Variants in SLCO5A1 observed in about 807,000 individuals in gnomAD.
SLCO5A1 encodes the protein organic anion transporter polypeptide-related protein 4.
SLCO5A1 carries 39 observed loss-of-function variants against 65.1 expected under a neutral mutation model. The ratio of observed to expected loss-of-function variants is 0.60; its 90% CI spans 0.46 to 0.78. The LOEUF (loss-of-function observed/expected upper bound fraction) is 0.78, where lower values mean the gene tolerates loss of function less well. Ranked by LOEUF, SLCO5A1 falls within the 30% of genes least tolerant of loss-of-function variation. The pLI is 0.00. For missense variants in SLCO5A1, 1,029 were observed against 1,069.4 expected, an observed-to-expected ratio of 0.96 and a Z score of 0.53; for synonymous variants, 438 against 415.7, an observed-to-expected ratio of 1.05 and a Z score of -0.65.
chr8:69,678,800 G>GAAA (rs10648194), intron 8 of SLCO5A1, among the ~76,000 whole-genome samples: 19,997 of 139,382 alleles, frequency 0.14, 1,509 homozygotes, highest in Non-Finnish European at 0.17. Context: ...CTGAAAAACT[G>GAAA]AAAAAAAAAA....
At chr8:69,748,667 C>A (rs1048200468) in intron 4 of SLCO5A1, among the ~76,000 whole-genome samples, 6 of 152,166 alleles carry the variant, frequency 3.9e-5, no homozygotes, top group African/African-American at 1.2e-4. Context: ...TTATCAGAAA[C>A]ACAGAAACAT....
At chr8:69,722,776 GGTGTGT>G (rs56353428) in intron 5 of SLCO5A1, among the ~76,000 whole-genome samples, 2,224 of 148,124 alleles carry the variant, frequency 0.015, 32 homozygotes, top group Middle Eastern at 0.038. Context: ...ACACATGCAT[GGTGTGT>G]GTGTGTGTGT....
At chr8:69,769,181 G>T (rs558038257) in intron 2 of SLCO5A1, among the ~76,000 whole-genome samples, 1 of 152,162 alleles carries the variant, frequency 6.6e-6, no homozygotes, top group South Asian at 2.1e-4. Flanking sequence ...CTGAGGACTC[G>T]CCTGACCCAC....
intron 2 of SLCO5A1, among the ~76,000 whole-genome samples, chr8:69,790,086 G>A (rs776734010): frequency 4.0e-5 from 6 of 151,548 alleles, no homozygotes; most frequent in Non-Finnish European, 5.9e-5. Context: ...CCAGCTACTC[G>A]GGAGGCTGAG....
At chr8:69,782,579 CAAAAA>C (rs773987113) in intron 2 of SLCO5A1, among the ~76,000 whole-genome samples, 1 of 53,966 alleles carries the variant, frequency 1.9e-5, no homozygotes, top group Non-Finnish European at 4.0e-5. Context: ...GACCCTGTCT[CAAAAA>C]AAAAAAAAAA....
chr8:69,695,712 C>A (rs901155073), intron 6 of SLCO5A1, among the ~76,000 whole-genome samples: 53 of 152,052 alleles, frequency 3.5e-4, no homozygotes, highest in Admixed American at 3.0e-3. Context: ...CAAGACTCAA[C>A]AATGGTATGT....
In SLCO5A1 at chr8:69,798,269, A is replaced by G. The variant is rs185182494; in HGVS notation, c.907+33498T>C. Among the ~76,000 whole-genome samples, 23 of 151,974 alleles carry G rather than the reference A, an allele frequency of 1.5e-4. No individual in the cohort carries two copies. The East Asian group carries it at 3.9e-3, about 26-fold the overall frequency. On this transcript the variant is annotated intron_variant, in intron 2 of 9. Coordinates refer to ENST00000260126, the MANE Select transcript of SLCO5A1 (RefSeq NM_030958.3). ...TCAGGTATCTGTATGGCAATGCCCC[A>G]CTCCTCAGTACCAATTTTCTGTATT...
chr8:69,690,795 G>A (rs1335476268), intron 6 of SLCO5A1, among the ~76,000 whole-genome samples: 2 of 152,134 alleles, frequency 1.3e-5, no homozygotes, highest in African/African-American at 4.8e-5. Context: ...ACTCTTCCTG[G>A]TCATTTGGTA....
chr8:69,765,114 AT>A (rs1387198440), intron 2 of SLCO5A1, among the ~76,000 whole-genome samples: 1 of 152,116 alleles, frequency 6.6e-6, no homozygotes, highest in Non-Finnish European at 1.5e-5. Context: ...TCACTCCCAT[AT>A]ATATCTGTGT....
In SLCO5A1 at chr8:69,669,705, C is replaced by G. The variant is rs1445131374; in HGVS notation, c.*3164G>C. The G allele has an allele frequency of 6.6e-6, 1 of 151,912 alleles. No homozygotes were observed. The highest frequency in any genetic ancestry group is 1.5e-5 in the Non-Finnish European group (1 of 68,026). 9.4% of individuals were successfully genotyped at this position (151,912 alleles called of 1,614,324 possible). ...GGTGGCACACACCTTAATCCCAGTTCCTCAGGAGACTGAAACAGGAGAATC... is the reference window on the plus strand; with the variant it reads ...GGTGGCACACACCTTAATCCCAGTTGCTCAGGAGACTGAAACAGGAGAATC... On this transcript the variant is annotated 3_prime_UTR_variant, in exon 10 of 10. Coordinates refer to ENST00000260126, the MANE Select transcript of SLCO5A1 (RefSeq NM_030958.3).
chr8:69,722,070 G>C (rs1394302149), intron 5 of SLCO5A1, among the ~76,000 whole-genome samples: 2 of 152,148 alleles, frequency 1.3e-5, no homozygotes, highest in Non-Finnish European at 2.9e-5. Flanking sequence ...TACTTGGGAG[G>C]CTGAGACAGG....
chr8:69,795,665 C>G (rs1469889348), intron 2 of SLCO5A1, among the ~76,000 whole-genome samples: 4 of 152,186 alleles, frequency 2.6e-5, no homozygotes, highest in Non-Finnish European at 5.9e-5. Context: ...ATCCACTATT[C>G]TGGGGTCTGG....
chr8:69,691,528 C>T (rs1029087757), intron 6 of SLCO5A1, among the ~76,000 whole-genome samples: 5 of 152,194 alleles, frequency 3.3e-5, no homozygotes, highest in Non-Finnish European at 7.3e-5. Flanking sequence ...TTGATGACCA[C>T]CATTCTAGCT....
chr8:69,687,268 TA>T, intron 6 of SLCO5A1, among the ~76,000 whole-genome samples: 1 of 152,312 alleles, frequency 6.6e-6, no homozygotes, highest in South Asian at 2.1e-4. Context: ...CGTCTATGGC[TA>T]TTAAATACCC....
At chr8:69,771,958 T>C (rs1818337421) in intron 2 of SLCO5A1, among the ~76,000 whole-genome samples, 1 of 152,214 alleles carries the variant, frequency 6.6e-6, no homozygotes, top group Non-Finnish European at 1.5e-5. Context: ...GGGAGGGTCC[T>C]ATGGGTTGAC....
At chr8:69,801,919 A>G (rs949886706) in intron 2 of SLCO5A1, among the ~76,000 whole-genome samples, 1 of 152,118 alleles carries the variant, frequency 6.6e-6, no homozygotes, top group Non-Finnish European at 1.5e-5. Flanking sequence ...TCCACCTCCA[A>G]ACTCTGTGTT....
intron 4 of SLCO5A1, among the ~76,000 whole-genome samples, chr8:69,754,779 G>GA (rs1018178843): frequency 4.7e-4 from 72 of 151,800 alleles, no homozygotes; most frequent in African/African-American, 9.2e-4. Flanking sequence ...AAATAAAAAT[G>GA]AAAAAAAATA....
intron 2 of SLCO5A1, among the ~76,000 whole-genome samples, chr8:69,782,177 A>G (rs1818826553): frequency 6.6e-6 from 1 of 152,190 alleles, no homozygotes; most frequent in African/African-American, 2.4e-5. Flanking sequence ...GCACATGTAT[A>G]TCTACGTAAC....
chr8:69,684,500 C>T (rs1263442613), intron 6 of SLCO5A1, among the ~76,000 whole-genome samples: 1 of 152,220 alleles, frequency 6.6e-6, no homozygotes, highest in African/African-American at 2.4e-5. Context: ...GCATAAGACA[C>T]TCCCACCACC....
Sources: gnomAD v4.1 joint callset for allele counts (sites outside exome capture counted in the v4.1 genomes callset) on GRCh38, gnomAD v4.1.1 for gene constraint, MANE v1.5 for transcripts, NCBI Gene and HGNC (gene_info 2026-07-23, HGNC 2026-07-21) for gene names.